Variants in CRKL observed in about 807,000 individuals in gnomAD.
CRKL encodes the protein CRK like proto-oncogene, adaptor protein.
In CRKL, 3 loss-of-function variants were observed where a neutral mutation model predicts 23.0. That is an observed-to-expected ratio of 0.13 (90% CI 0.06 to 0.34). CRKL has a LOEUF of 0.34. CRKL is among the 10% of genes least tolerant of loss of function. The pLI, the probability that CRKL is intolerant of heterozygous loss-of-function variation, is 1.00. For missense variants in CRKL, 256 were observed against 394.5 expected (o/e 0.65, Z 2.97); for synonymous variants, 188 against 160.7 (o/e 1.17, Z -1.28).
At chr22:20,929,015 C>G (rs991410710) in intron 1 of CRKL, among the ~76,000 whole-genome samples, 1 of 151,948 alleles carries the variant, frequency 6.6e-6, no homozygotes, top group Non-Finnish European at 1.5e-5. Flanking sequence ...CTGAGAGATT[C>G]GTTATCATCA....
intron 1 of CRKL, among the ~76,000 whole-genome samples, chr22:20,927,120 A>C (rs1269884768): frequency 8.6e-6 from 1 of 116,510 alleles, no homozygotes; most frequent in Non-Finnish European, 1.9e-5. Context: ...TCAAAAAAAA[A>C]AAAAAAAAAA....
At chr22:20,923,575 C>CTACTAAAAAA (rs1303646911) in intron 1 of CRKL, among the ~76,000 whole-genome samples, 1 of 109,798 alleles carries the variant, frequency 9.1e-6, no homozygotes, top group African/African-American at 3.7e-5. Context: ...CCGCGCCTGG[C>CTACTAAAAAA]ATTTTTTTTT....
chr22:20,940,722 C>T (rs1921842957), intron 2 of CRKL, among the ~76,000 whole-genome samples: 1 of 151,830 alleles, frequency 6.6e-6, no homozygotes, highest in Non-Finnish European at 1.5e-5. Flanking sequence ...TTGTCTTTGC[C>T]CCATTTCAAA....
rs1247116681 is a variant in CRKL at position 20,941,588 on chromosome 22, A to ATATTTTTTT, written c.777+7345_777+7346insATTTTTTTT. Among the ~76,000 whole-genome samples the ATATTTTTTT allele has an allele frequency of 7.5e-4, 25 of 33,538 alleles. 1 individual carries two copies. Among genetic ancestry groups the ATATTTTTTT allele is most frequent in the African/African-American group, 1.6e-3 (13 of 8,260 alleles). 22.0% of individuals were successfully genotyped at this position (33,538 alleles called of 152,430 possible). On this transcript the variant is annotated intron_variant, in intron 2 of 2. Transcript: ENST00000354336. Reference sequence around the variant, plus strand: ...TGTGTGTGTGTGTGTGTATATATATATTTTTTTTTTTTTTTTTTTTTTTTG... The same window carrying ATATTTTTTT: ...TGTGTGTGTGTGTGTGTATATATATATATTTTTTTTTTTTTTTTTTTTTTTTTTTTTTTG...
chr22:20,927,295 A>G (rs983511386), intron 1 of CRKL, among the ~76,000 whole-genome samples: 8 of 140,180 alleles, frequency 5.7e-5, no homozygotes, highest in Non-Finnish European at 1.1e-4. Context: ...GGTTCAAGTG[A>G]TTCTCCTGCC....
rs145813322 is a variant in CRKL at position 20,934,128 on chromosome 22, G to A, written c.661G>A (p.Gly221Ser). The change falls in exon 2 of 3, where the codon GGT becomes AGT. Residue 221 changes from glycine to serine, a missense_variant. By Grantham distance (56) the Gly-to-Ser change is moderately conservative. Transcript: ENST00000354336. The stretch of plus-strand genomic sequence containing the variant: ...CACAACTCCTCTACCTGCAGTTTCC[G>A]GTTCTCCTGGGGCAGCAATCACCCC... ...QTTTPLPAVS[G>S]SPGAAITPLP... 2,238 of 1,614,172 alleles carry A rather than the reference G, an allele frequency of 1.4e-3. 33 individuals carry two copies. The Admixed American group carries it at 0.025, about 18-fold the overall frequency.
intron 2 of CRKL, among the ~76,000 whole-genome samples, chr22:20,949,435 G>A (rs1010296750): frequency 6.6e-6 from 1 of 152,100 alleles, no homozygotes; most frequent in Admixed American, 6.5e-5. Context: ...GACAGACCCC[G>A]TCTATAAAAA....
At chr22:20,922,396 G>A (rs1195369010) in intron 1 of CRKL, among the ~76,000 whole-genome samples, 2 of 152,082 alleles carry the variant, frequency 1.3e-5, no homozygotes, top group African/African-American at 4.8e-5. Context: ...TCAGGAATTG[G>A]GTTTTTATTT....
intron 1 of CRKL, among the ~76,000 whole-genome samples, chr22:20,925,510 G>A (rs1445041931): frequency 6.6e-6 from 1 of 152,208 alleles, no homozygotes; most frequent in Non-Finnish European, 1.5e-5. Flanking sequence ...GCGAGACTTC[G>A]TCTCGGAAAA....
At chr22:20,919,921 A>G (rs1046589321) in intron 1 of CRKL, among the ~76,000 whole-genome samples, 7 of 152,168 alleles carry the variant, frequency 4.6e-5, no homozygotes, top group African/African-American at 1.7e-4. Context: ...GGAGAAAGTG[A>G]TTATAAATCA....
chr22:20,932,033 G>A (rs960322113), intron 1 of CRKL, among the ~76,000 whole-genome samples: 12 of 151,680 alleles, frequency 7.9e-5, no homozygotes, highest in African/African-American at 2.4e-4. Flanking sequence ...GGATGGTCTC[G>A]ATCTCCTGAC....
chr22:20,947,983 C>CA (rs1457649988), intron 2 of CRKL, among the ~76,000 whole-genome samples: 1 of 152,144 alleles, frequency 6.6e-6, no homozygotes, highest in Non-Finnish European at 1.5e-5. Flanking sequence ...TGCGCCCGGC[C>CA]ACTTTGTGCT....
intron 1 of CRKL, among the ~76,000 whole-genome samples, chr22:20,922,455 G>C (rs1921028700): frequency 6.6e-6 from 1 of 152,130 alleles, no homozygotes; most frequent in Non-Finnish European, 1.5e-5. Context: ...GGAGTGACCT[G>C]GGGCTGTTAT....
intron 2 of CRKL, among the ~76,000 whole-genome samples, chr22:20,948,229 C>A (rs999306222): frequency 6.6e-6 from 1 of 152,168 alleles, no homozygotes; most frequent in African/African-American, 2.4e-5. Flanking sequence ...TCCTTAGCCT[C>A]ATCTTTAATC....
chr22:20,939,991 T>C (rs1228686545), intron 2 of CRKL, among the ~76,000 whole-genome samples: 1 of 152,040 alleles, frequency 6.6e-6, no homozygotes, highest in African/African-American at 2.4e-5. Flanking sequence ...GGTTTCACCA[T>C]GTTGGCCAGG....
chr22:20,932,909 GTC>G (rs765261088), intron 1 of CRKL, among the ~76,000 whole-genome samples: 3 of 150,980 alleles, frequency 2.0e-5, no homozygotes, highest in Non-Finnish European at 3.0e-5. Flanking sequence ...CCAAAATCCT[GTC>G]TCTACTAAAA....
At position 20,950,039 on chromosome 22, in the gene CRKL, CAA is replaced by C; in HGVS notation, c.*196_*197del. The C allele has an allele frequency of 1.6e-6, 1 of 636,322 alleles. No homozygotes were observed. 39.4% of individuals were successfully genotyped at this position (636,322 alleles called of 1,614,324 possible). On this transcript the variant is annotated 3_prime_UTR_variant, in exon 3 of 3. Transcript: ENST00000354336. ...GATGTTTGTATCATAGTCGTATTGTCAAAGAGTAGCCGATTTTAGAGTTCTTT... is the reference window on the plus strand; with the variant it reads ...GATGTTTGTATCATAGTCGTATTGTCAGAGTAGCCGATTTTAGAGTTCTTT...
intron 2 of CRKL, among the ~76,000 whole-genome samples, chr22:20,945,916 T>C (rs1203989469): frequency 6.6e-6 from 1 of 152,248 alleles, no homozygotes; most frequent in African/African-American, 2.4e-5. Flanking sequence ...CTGGTGATTA[T>C]AGTACATGGG....
chr22:20,944,705 C>T (rs1921993555), intron 2 of CRKL, among the ~76,000 whole-genome samples: 1 of 150,984 alleles, frequency 6.6e-6, no homozygotes. Context: ...ACAGCCTATT[C>T]TTGGATATTT....
Sources: allele counts gnomAD v4.1 joint callset (sites outside exome capture counted in the v4.1 genomes callset), GRCh38; gene constraint gnomAD v4.1.1; transcripts MANE v1.5; gene names NCBI Gene and HGNC (gene_info 2026-07-23, HGNC 2026-07-21).